The following VMP1 variants were observed in gnomAD, a reference collection of about 807,000 sequenced individuals.
The protein encoded by VMP1 is ectopic P-granules autophagy protein 3 homolog.
A neutral mutation model predicts 56.0 loss-of-function variants in VMP1; 11 were observed. The observed-to-expected ratio is 0.20, with a 90% confidence interval of 0.12 to 0.32. The LOEUF (loss-of-function observed/expected upper bound fraction) is 0.32, where lower values mean the gene tolerates loss of function less well. VMP1 is among the 10% of genes least tolerant of loss of function. VMP1 has a pLI of 1.00. For missense variants in VMP1, 296 were observed against 490.3 expected (o/e 0.60, Z 3.74); for synonymous variants, 149 against 165.0 (o/e 0.90, Z 0.74).
rs578060410 is a variant in VMP1, at chr17:59,768,154, TATAGG to T, written c.582+3018_582+3022del. Among the ~76,000 whole-genome samples, 551 of 152,262 alleles carry T rather than the reference TATAGG, an allele frequency of 3.6e-3. 3 individuals are homozygous for T. Among genetic ancestry groups the T allele is most frequent in the Non-Finnish European group, 5.5e-3 (372 of 68,024 alleles). On this transcript the variant is annotated intron_variant, in intron 6 of 11. Coordinates refer to ENST00000262291, the MANE Select transcript of VMP1 (RefSeq NM_030938.5). ...TTTTTTGAAAAAGTTTTCCATGTAG[TATAGG>T]AATGTCAATAAATACTGATTAATAG...
intron 1 of VMP1, among the ~76,000 whole-genome samples, chr17:59,727,808 A>G (rs1006724786): frequency 6.6e-6 from 1 of 152,120 alleles, no homozygotes; most frequent in Non-Finnish European, 1.5e-5. Flanking sequence ...ATACACATGC[A>G]TACATAGATT....
At chr17:59,791,680 T>C (rs967650108) in intron 7 of VMP1, among the ~76,000 whole-genome samples, 21 of 152,008 alleles carry the variant, frequency 1.4e-4, no homozygotes, top group Non-Finnish European at 2.8e-4. Flanking sequence ...GCCAGGCTGG[T>C]CTTGAACTCC....
intron 7 of VMP1, among the ~76,000 whole-genome samples, chr17:59,798,446 CTT>C (rs1030615053): frequency 1.3e-5 from 2 of 152,124 alleles, no homozygotes; most frequent in African/African-American, 4.8e-5. Context: ...TTTTTTACTT[CTT>C]TTTTTAAACT....
At chr17:59,816,753 C>T (rs2038247298) in intron 9 of VMP1, among the ~76,000 whole-genome samples, 1 of 150,166 alleles carries the variant, frequency 6.7e-6, no homozygotes, top group African/African-American at 2.5e-5. Flanking sequence ...TCCTGGCCTC[C>T]TGGCCAGCAT....
intron 5 of VMP1, among the ~76,000 whole-genome samples, chr17:59,749,829 T>C (rs942159038): frequency 2.2e-4 from 34 of 152,048 alleles, no homozygotes; most frequent in African/African-American, 8.2e-4. Context: ...AATAATCTTA[T>C]TATCTTCTTA....
At chr17:59,798,878 C>T (rs927081432) in intron 7 of VMP1, among the ~76,000 whole-genome samples, 12 of 152,134 alleles carry the variant, frequency 7.9e-5, no homozygotes, top group Admixed American at 4.6e-4. Flanking sequence ...AAGAGCGAAA[C>T]TCCGTCTCAA....
At chr17:59,740,947 C>A (rs1375627320) in intron 5 of VMP1, among the ~76,000 whole-genome samples, 1 of 152,176 alleles carries the variant, frequency 6.6e-6, no homozygotes, top group Non-Finnish European at 1.5e-5. Flanking sequence ...CCTGTAATTC[C>A]AGCATTTTGA....
Position 59,789,645 on chromosome 17 carries a change from T to A in VMP1, c.714+15760T>A, listed in dbSNP as rs182398764. Among the ~76,000 whole-genome samples the A allele has an allele frequency of 3.2e-3, 493 of 152,228 alleles. 7 individuals are homozygous for A. Among genetic ancestry groups the A allele is most frequent in the Middle Eastern group, 0.014 (4 of 294 alleles). Reference sequence around the variant, plus strand: ...ATACAAACCCACCCTTTGTTATAAGTGCTGAGTGCTTTGAGGGGTACATCA... The same window carrying A: ...ATACAAACCCACCCTTTGTTATAAGAGCTGAGTGCTTTGAGGGGTACATCA... On this transcript the variant is annotated intron_variant, in intron 7 of 11. Coordinates refer to ENST00000262291, the MANE Select transcript of VMP1 (RefSeq NM_030938.5).
intron 7 of VMP1, among the ~76,000 whole-genome samples, chr17:59,801,455 T>G (rs1276859218): frequency 6.6e-6 from 1 of 151,900 alleles, no homozygotes; most frequent in Non-Finnish European, 1.5e-5. Flanking sequence ...GGTCTCCTTA[T>G]GTTACCCAGG....
chr17:59,719,316 C>CACAAACAAACAAACAAACAA (rs3064258), intron 1 of VMP1, among the ~76,000 whole-genome samples: 1 of 150,506 alleles, frequency 6.6e-6, no homozygotes, highest in African/African-American at 2.4e-5. Flanking sequence ...AAGACCCTGT[C>CACAAACAAACAAACAAACAA]ACAAACAAAC....
intron 5 of VMP1, among the ~76,000 whole-genome samples, chr17:59,757,238 GAGATAGATAGAT>G (rs72408206): frequency 0.025 from 3,683 of 146,886 alleles, 58 homozygotes; most frequent in Middle Eastern, 0.047. Context: ...GATTAGGATG[GAGATAGATAGAT>G]AGATAGATAG....
chr17:59,789,240 A>G (rs2037128176), intron 7 of VMP1, among the ~76,000 whole-genome samples: 3 of 146,128 alleles, frequency 2.1e-5, no homozygotes, highest in Admixed American at 6.8e-5. Context: ...CAGTGAGAGA[A>G]AAAAAAAAAA....
intron 10 of VMP1, among the ~76,000 whole-genome samples, chr17:59,825,150 A>G (rs1183939698): frequency 2.9e-5 from 4 of 136,796 alleles, no homozygotes; most frequent in Non-Finnish European, 6.1e-5. Flanking sequence ...GCTGTGGTGC[A>G]ATCTCGACCC....
chr17:59,795,908 C>T (rs2037424010), intron 7 of VMP1, among the ~76,000 whole-genome samples: 1 of 152,074 alleles, frequency 6.6e-6, no homozygotes, highest in Non-Finnish European at 1.5e-5. Flanking sequence ...TTATTATCAT[C>T]ATTTTACAGA....
In VMP1 at chr17:59,822,326, C is replaced by CTTTT. The variant is rs774358954; in HGVS notation, c.974+4568_974+4571dup. Among the ~76,000 whole-genome samples the CTTTT allele has an allele frequency of 3.0e-4, 37 of 125,334 alleles. 3 individuals carry two copies. Among genetic ancestry groups the CTTTT allele is most frequent in the South Asian group, 5.2e-4 (2 of 3,882 alleles). 82.2% of individuals were successfully genotyped at this position (125,334 alleles called of 152,430 possible). On this transcript the variant is annotated intron_variant, in intron 10 of 11. Coordinates refer to ENST00000262291, the MANE Select transcript of VMP1 (RefSeq NM_030938.5). ...TTTTTATGTTTTGAAGTAGGAAATA[C>CTTTT]TTTTTTTTTTTTTTTTTTCTGAGAC...
At chr17:59,759,908 T>TG (rs71145570) in intron 5 of VMP1, among the ~76,000 whole-genome samples, 53,196 of 134,194 alleles carry the variant, frequency 0.4, 12,071 homozygotes, top group Non-Finnish European at 0.51. Flanking sequence ...TTGGTGTTTT[T>TG]TTTTTTTTTT....
intron 10 of VMP1, among the ~76,000 whole-genome samples, chr17:59,836,456 C>T (rs1175763316): frequency 6.6e-6 from 1 of 152,030 alleles, no homozygotes; most frequent in Non-Finnish European, 1.5e-5. Context: ...TCTTGGCCTC[C>T]CAAAGTGCTG....
chr17:59,776,639 A>C (rs1462758829), intron 7 of VMP1, among the ~76,000 whole-genome samples: 2 of 152,234 alleles, frequency 1.3e-5, no homozygotes, highest in Non-Finnish European at 2.9e-5. Context: ...TCAGAATGCC[A>C]GCATTACTGG....
chr17:59,836,030 A>G (rs936959575), intron 10 of VMP1, among the ~76,000 whole-genome samples: 1 of 150,972 alleles, frequency 6.6e-6, no homozygotes, highest in African/African-American at 2.4e-5. Flanking sequence ...AGTCAGGGCC[A>G]GGAGCGGTGG....
Sources: gnomAD v4.1 joint callset for allele counts (sites outside exome capture counted in the v4.1 genomes callset) on GRCh38, gnomAD v4.1.1 for gene constraint, MANE v1.5 for transcripts, NCBI Gene and HGNC (gene_info 2026-07-23, HGNC 2026-07-21) for gene names.